CADM2: variants seen among roughly 807,000 people sequenced by gnomAD.
CADM2 encodes the protein cell adhesion molecule 2, also known as immunoglobulin superfamily member 4D.
Under a neutral mutation model 49.8 loss-of-function variants are expected in CADM2, and 12 were observed. That is an observed-to-expected ratio of 0.24 (90% confidence interval 0.15 to 0.39). CADM2 has a LOEUF of 0.39. Ranked by LOEUF, CADM2 falls within the 10% of genes least tolerant of loss-of-function variation. CADM2 has a pLI of 1.00. For missense variants in CADM2, 378 were observed against 492.3 expected (o/e 0.77, Z 2.20); for synonymous variants, 214 against 175.4 (o/e 1.22, Z -1.74).
intron 1 of CADM2, among the ~76,000 whole-genome samples, chr3:85,615,206 AAGAG>A (rs138179330): frequency 6.8e-4 from 102 of 149,728 alleles, no homozygotes; most frequent in East Asian, 3.5e-3. Context: ...GTACTACAGA[AAGAG>A]AGAGAGAGAG....
chr3:85,298,592 A>G (rs969686663), intron 1 of CADM2, among the ~76,000 whole-genome samples: 1 of 152,092 alleles, frequency 6.6e-6, no homozygotes, highest in African/African-American at 2.4e-5. Flanking sequence ...TTCAAGAGAG[A>G]GCTTCTTAAA....
At chr3:85,846,164 C>G (rs1361416774) in intron 3 of CADM2, among the ~76,000 whole-genome samples, 3 of 152,086 alleles carry the variant, frequency 2.0e-5, no homozygotes, top group Non-Finnish European at 4.4e-5. Context: ...CACACAGGGT[C>G]ATAAGAATAG....
intron 3 of CADM2, among the ~76,000 whole-genome samples, chr3:85,824,719 G>A (rs2073806100): frequency 6.6e-6 from 1 of 152,038 alleles, no homozygotes; most frequent in Non-Finnish European, 1.5e-5. Flanking sequence ...CACTTTCTGG[G>A]TGTTTATTTG....
intron 1 of CADM2, among the ~76,000 whole-genome samples, chr3:85,494,931 G>A (rs2039825781): frequency 6.6e-6 from 1 of 152,064 alleles, no homozygotes; most frequent in South Asian, 2.1e-4. Context: ...GAAAGAAAAC[G>A]TTAGACATGA....
chr3:85,819,058 C>A (rs1230701620), intron 3 of CADM2, among the ~76,000 whole-genome samples: 1 of 152,026 alleles, frequency 6.6e-6, no homozygotes, highest in Non-Finnish European at 1.5e-5. Context: ...GTGCAGCCTT[C>A]AGTCTGTGAC....
intron 8 of CADM2, among the ~76,000 whole-genome samples, chr3:85,976,081 T>G (rs1478105071): frequency 6.6e-6 from 1 of 151,622 alleles, no homozygotes; most frequent in Non-Finnish European, 1.5e-5. Flanking sequence ...TGAACCAGTA[T>G]TTAACATTTT....
chr3:85,283,358 C>T (rs947297166), intron 1 of CADM2, among the ~76,000 whole-genome samples: 1 of 151,508 alleles, frequency 6.6e-6, no homozygotes, highest in Non-Finnish European at 1.5e-5. Context: ...CATTAATACT[C>T]TTTTAAAACA....
chr3:85,496,281 A>C (rs1191209888), intron 1 of CADM2, among the ~76,000 whole-genome samples: 3 of 152,120 alleles, frequency 2.0e-5, no homozygotes, highest in African/African-American at 7.2e-5. Flanking sequence ...TCCCACTTAT[A>C]AGTAAGAACA....
chr3:86,031,394 A>C (rs1391010661), intron 8 of CADM2, among the ~76,000 whole-genome samples: 3 of 151,860 alleles, frequency 2.0e-5, no homozygotes, highest in African/African-American at 7.2e-5. Flanking sequence ...TAGGCTTTCA[A>C]TAAAGCAAGA....
intron 3 of CADM2, among the ~76,000 whole-genome samples, chr3:85,833,176 G>T (rs60570867): frequency 6.6e-6 from 1 of 151,672 alleles, no homozygotes; most frequent in East Asian, 1.9e-4. Flanking sequence ...TTACTTAATC[G>T]TGGCGAATTA....
intron 2 of CADM2, among the ~76,000 whole-genome samples, chr3:85,751,002 A>C (rs562478686): frequency 1.3e-5 from 2 of 152,246 alleles, no homozygotes; most frequent in East Asian, 3.9e-4. Flanking sequence ...ATTTAATATC[A>C]ACTAAAACAA....
rs560942139 is a variant in CADM2 at position 86,050,107 on chromosome 3, T to C, written c.971-15498T>C. Among the ~76,000 whole-genome samples the C allele has an allele frequency of 2.6e-4, 40 of 152,248 alleles. No individual in the cohort carries two copies. The South Asian group carries it at 8.3e-3, about 32-fold the overall frequency. On this transcript the variant is annotated intron_variant, in intron 8 of 9. Coordinates refer to ENST00000383699, the MANE Select transcript of CADM2 (RefSeq NM_001167675.2). ...ATAAAATCAAAAACAAGTTTGTTAC[T>C]CTCAAGATACAACAGGGGTACAGGT...
intron 3 of CADM2, among the ~76,000 whole-genome samples, chr3:85,862,409 G>C (rs2075570747): frequency 6.6e-6 from 1 of 152,064 alleles, no homozygotes; most frequent in Non-Finnish European, 1.5e-5. Context: ...CCATTGAAAT[G>C]AAAATCTTAG....
intron 1 of CADM2, among the ~76,000 whole-genome samples, chr3:85,367,234 A>G (rs9870448): frequency 0.17 from 25,209 of 152,022 alleles, 2,624 homozygotes; most frequent in Non-Finnish European, 0.23. Context: ...GTCAACATTT[A>G]TTTATTGCTA....
At chr3:85,359,196 A>C (rs2032123941) in intron 1 of CADM2, among the ~76,000 whole-genome samples, 1 of 152,124 alleles carries the variant, frequency 6.6e-6, no homozygotes, top group Non-Finnish European at 1.5e-5. Context: ...CTGGGACTAG[A>C]AGGCAGCAAT....
intron 8 of CADM2, among the ~76,000 whole-genome samples, chr3:86,048,548 TATTAA>T (rs964164877): frequency 1.3e-5 from 2 of 152,220 alleles, no homozygotes; most frequent in African/African-American, 4.8e-5. Flanking sequence ...ATTAAAAAGC[TATTAA>T]ATTAAATCCT....
chr3:85,554,724 C>G (rs1386719712), intron 1 of CADM2, among the ~76,000 whole-genome samples: 1 of 151,884 alleles, frequency 6.6e-6, no homozygotes, highest in Non-Finnish European at 1.5e-5. Context: ...GTGACAAATT[C>G]TTGCTGTGTT....
At chr3:85,161,212 C>A (rs2040311047) in intron 1 of CADM2, among the ~76,000 whole-genome samples, 1 of 152,012 alleles carries the variant, frequency 6.6e-6, no homozygotes, top group Admixed American at 6.6e-5. Context: ...AAGTTTTAAA[C>A]CTTTGCTTTA....
intron 1 of CADM2, among the ~76,000 whole-genome samples, chr3:85,462,333 A>C (rs2038286709): frequency 6.6e-6 from 1 of 152,202 alleles, no homozygotes; most frequent in Non-Finnish European, 1.5e-5. Flanking sequence ...GATCTAACAA[A>C]ACCAAATTTC....
Sources: gnomAD v4.1 joint callset for allele counts (sites outside exome capture counted in the v4.1 genomes callset) on GRCh38, gnomAD v4.1.1 for gene constraint, MANE v1.5 for transcripts, NCBI Gene and HGNC (gene_info 2026-07-23, HGNC 2026-07-21) for gene names.